The following PABPC4L variants were observed in gnomAD, a reference collection of about 807,000 sequenced individuals.
PABPC4L encodes the protein polyadenylate-binding protein 4-like.
For synonymous variants in PABPC4L, 169 were observed against 164.1 expected (o/e 1.03, Z -0.23); for missense variants, 452 against 451.4 (o/e 1.00, Z -0.01).
chr4:134,036,872 A>T, the PABPC4L span, among the ~76,000 whole-genome samples: 4 of 151,936 alleles, frequency 2.6e-5, no homozygotes, highest in African/African-American at 9.7e-5. Context: ...CCTGGCCAAC[A>T]TGGTGAAACA....
At chr4:133,981,359 C>T in the PABPC4L span, among the ~76,000 whole-genome samples, 1 of 151,994 alleles carries the variant, frequency 6.6e-6, no homozygotes, top group Non-Finnish European at 1.5e-5. Flanking sequence ...TACATTTATA[C>T]CATTTATATC....
the PABPC4L span, among the ~76,000 whole-genome samples, chr4:133,980,115 A>G: frequency 9.5e-3 from 1,439 of 152,260 alleles, 22 homozygotes; most frequent in African/African-American, 0.033. Context: ...GCAAATACAT[A>G]TATTTTATAA....
the PABPC4L span, among the ~76,000 whole-genome samples, chr4:134,001,433 C>T: frequency 1.3e-5 from 2 of 152,052 alleles, no homozygotes; most frequent in Non-Finnish European, 2.9e-5. Flanking sequence ...TGGTATTCAT[C>T]CCAACCTCAA....
the PABPC4L span, among the ~76,000 whole-genome samples, chr4:134,009,293 T>G: frequency 6.6e-6 from 1 of 151,962 alleles, no homozygotes; most frequent in Non-Finnish European, 1.5e-5. Context: ...ATTCTTTGAT[T>G]GGCACAATAC....
the PABPC4L span, among the ~76,000 whole-genome samples, chr4:134,127,511 C>T: frequency 6.6e-6 from 1 of 152,012 alleles, no homozygotes; most frequent in Non-Finnish European, 1.5e-5. Context: ...CAGTTCAGAA[C>T]CCAGTGGCTC....
chr4:134,177,411 C>T, the PABPC4L span, among the ~76,000 whole-genome samples: 2 of 151,866 alleles, frequency 1.3e-5, no homozygotes, highest in African/African-American at 2.4e-5. Context: ...CTTGAACTTG[C>T]GATCCGCCCA....
chr4:134,111,830 C>A, the PABPC4L span, among the ~76,000 whole-genome samples: 3 of 151,948 alleles, frequency 2.0e-5, no homozygotes, highest in African/African-American at 4.8e-5. Context: ...GTCCAATAAA[C>A]CTCCCTCTTT....
chr4:134,009,192 C>T, the PABPC4L span, among the ~76,000 whole-genome samples: 3 of 151,756 alleles, frequency 2.0e-5, no homozygotes, highest in Non-Finnish European at 3.0e-5. Flanking sequence ...TAAAAATATA[C>T]ACACATATAC....
the PABPC4L span, among the ~76,000 whole-genome samples, chr4:133,961,420 A>G: frequency 6.6e-6 from 1 of 152,194 alleles, no homozygotes; most frequent in Non-Finnish European, 1.5e-5. Flanking sequence ...CCACCTTGAA[A>G]CACGGGCCTT....
At chr4:134,180,637 C>T in the PABPC4L span, among the ~76,000 whole-genome samples, 3,395 of 150,818 alleles carry the variant, frequency 0.023, 125 homozygotes, top group African/African-American at 0.078. Flanking sequence ...TCTAGCTAGA[C>T]TAATAAAGGA....
chr4:134,043,969 C>T, the PABPC4L span, among the ~76,000 whole-genome samples: 1 of 151,652 alleles, frequency 6.6e-6, no homozygotes, highest in Non-Finnish European at 1.5e-5. Flanking sequence ...GAGACACATT[C>T]TGTCACCTAG....
the PABPC4L span, among the ~76,000 whole-genome samples, chr4:134,056,940 T>C: frequency 9.2e-5 from 14 of 152,068 alleles, 1 homozygote; most frequent in East Asian, 1.4e-3. Context: ...CTGAGCGCCA[T>C]AGATATTCTT....
At chr4:134,072,098 A>G in the PABPC4L span, among the ~76,000 whole-genome samples, 2 of 152,192 alleles carry the variant, frequency 1.3e-5, no homozygotes, top group Admixed American at 1.3e-4. Context: ...CTCTCTGAAA[A>G]AAAAAATGTG....
At chr4:134,147,333 G>C in the PABPC4L span, among the ~76,000 whole-genome samples, 1 of 151,964 alleles carries the variant, frequency 6.6e-6, no homozygotes, top group Non-Finnish European at 1.5e-5. Flanking sequence ...TTTCAGTTTG[G>C]ATTTAAAGTA....
At chr4:134,038,248 A>G in the PABPC4L span, among the ~76,000 whole-genome samples, 1 of 152,098 alleles carries the variant, frequency 6.6e-6, no homozygotes, top group Admixed American at 6.6e-5. Flanking sequence ...AGATTTTTGC[A>G]TTGATGTTCA....
chr4:134,071,326 T>C, the PABPC4L span, among the ~76,000 whole-genome samples: 1 of 152,180 alleles, frequency 6.6e-6, no homozygotes, highest in East Asian at 1.9e-4. Flanking sequence ...AGTGTGCCAG[T>C]CTTCCTTATG....
the PABPC4L span, among the ~76,000 whole-genome samples, chr4:134,065,109 C>A: frequency 1.3e-5 from 2 of 151,982 alleles, no homozygotes; most frequent in East Asian, 3.9e-4. Context: ...TGGGTATAGA[C>A]CCAATGTGGG....
the PABPC4L span, among the ~76,000 whole-genome samples, chr4:134,141,485 ATATAT>A: frequency 4.0e-5 from 6 of 149,764 alleles, no homozygotes; most frequent in African/African-American, 1.2e-4. Context: ...ACATATAACT[ATATAT>A]TATATTATAA....
the PABPC4L span, among the ~76,000 whole-genome samples, chr4:134,052,035 A>T: frequency 6.6e-6 from 1 of 152,072 alleles, no homozygotes; most frequent in Non-Finnish European, 1.5e-5. Flanking sequence ...TACAATCATT[A>T]TTATTCTTTG....
Sources: gnomAD v4.1 joint callset for allele counts (sites outside exome capture counted in the v4.1 genomes callset) on GRCh38, gnomAD v4.1.1 for gene constraint, MANE v1.5 for transcripts, NCBI Gene and HGNC (gene_info 2026-07-23, HGNC 2026-07-21) for gene names.